The following BAZ1B variants were observed in gnomAD, a reference collection of about 807,000 sequenced individuals.
BAZ1B encodes bromodomain adjacent to zinc finger domain 1B, also known as tyrosine-protein kinase BAZ1B.
BAZ1B carries 22 observed loss-of-function variants against 153.8 expected under a neutral mutation model. The observed-to-expected ratio is 0.14, with a 90% confidence interval of 0.10 to 0.20. BAZ1B has a LOEUF of 0.20. Among genes scored for constraint, BAZ1B ranks in the 10% least tolerant of loss-of-function variants. The pLI is 1.00. For synonymous variants in BAZ1B, 676 were observed against 633.4 expected, an observed-to-expected ratio of 1.07 and a Z score of -1.01; for missense variants, 1,325 against 1,799.3, an observed-to-expected ratio of 0.74 and a Z score of 4.77.
At chr7:73,476,508 C>G (rs1175887823) in intron 7 of BAZ1B, among the ~76,000 whole-genome samples, 1 of 152,168 alleles carries the variant, frequency 6.6e-6, no homozygotes, top group Non-Finnish European at 1.5e-5. Flanking sequence ...GATAAGTAAT[C>G]TGCCCAAAGG....
At chr7:73,481,868 T>C (rs987720619) in intron 6 of BAZ1B, among the ~76,000 whole-genome samples, 28 of 151,854 alleles carry the variant, frequency 1.8e-4, no homozygotes, top group Non-Finnish European at 2.6e-4. Flanking sequence ...AAACACCATC[T>C]CTACTAAAAA....
intron 6 of BAZ1B, among the ~76,000 whole-genome samples, chr7:73,479,909 C>T (rs1789135063): frequency 6.6e-6 from 1 of 152,062 alleles, no homozygotes; most frequent in Admixed American, 6.5e-5. Context: ...GAGGCTCACA[C>T]CTGTAATCCC....
intron 13 of BAZ1B, among the ~76,000 whole-genome samples, chr7:73,452,227 C>T (rs1554568405): frequency 6.6e-6 from 1 of 152,140 alleles, no homozygotes; most frequent in African/African-American, 2.4e-5. Flanking sequence ...TTTCACTGAG[C>T]ATGTTTCTAG....
At chr7:73,442,597 C>A (rs782618683) in intron 18 of BAZ1B, 44 bp from the exon 19 acceptor site, 1 of 1,572,786 alleles carries the variant, frequency 6.4e-7, no homozygotes, top group East Asian at 2.3e-5. Flanking sequence ...GCCTTGACGG[C>A]AGTGCCCCTG....
chr7:73,465,373 C>A, intron 11 of BAZ1B, 66 bp downstream of exon 11: 3 of 1,087,374 alleles, frequency 2.8e-6, no homozygotes, highest in South Asian at 1.8e-5. Flanking sequence ...GAAAAAAAAC[C>A]CTCAGATATT....
Position 73,501,658 on chromosome 7 carries a change from A to G in BAZ1B, c.370-2960T>C, listed in dbSNP as rs75099314. ...TGAGAAACCCCGTTCCTGACCATCAAGTTCCCTTCTGTCTAAAGGCCTTCA... is the reference window on the plus strand; with the variant it reads ...TGAGAAACCCCGTTCCTGACCATCAGGTTCCCTTCTGTCTAAAGGCCTTCA... On this transcript the variant is annotated intron_variant, in intron 3 of 19. Coordinates refer to ENST00000339594, the MANE Select transcript of BAZ1B (RefSeq NM_032408.4). Among the ~76,000 whole-genome samples, 399 of 152,136 alleles carry G rather than the reference A, an allele frequency of 2.6e-3. 2 individuals carry two copies. Among genetic ancestry groups the G allele is most frequent in the African/African-American group, 9.2e-3 (382 of 41,510 alleles).
chr7:73,501,364 C>T (rs1291889185), intron 3 of BAZ1B, among the ~76,000 whole-genome samples: 2 of 152,224 alleles, frequency 1.3e-5, no homozygotes, highest in African/African-American at 4.8e-5. Context: ...TACTACCATT[C>T]CCACCATCCT....
intron 15 of BAZ1B, among the ~76,000 whole-genome samples, chr7:73,447,727 T>C (rs1040530426): frequency 2.6e-5 from 4 of 152,180 alleles, no homozygotes; most frequent in Non-Finnish European, 5.9e-5. Context: ...GATAATGTAA[T>C]ACATCAGTTA....
chr7:73,456,003 T>C (rs782513457), intron 13 of BAZ1B, among the ~76,000 whole-genome samples: 4 of 152,090 alleles, frequency 2.6e-5, no homozygotes, highest in Non-Finnish European at 4.4e-5. Flanking sequence ...GCAGTGAAAC[T>C]AGGGTGGGAG....
intron 4 of BAZ1B, among the ~76,000 whole-genome samples, chr7:73,494,110 A>G (rs1441171580): frequency 3.3e-5 from 5 of 151,536 alleles, no homozygotes; most frequent in African/African-American, 1.2e-4. Flanking sequence ...GGCCCATCAC[A>G]GTGGCTCGTG....
chr7:73,466,970 C>T (rs782003262), intron 9 of BAZ1B, among the ~76,000 whole-genome samples: 1 of 152,122 alleles, frequency 6.6e-6, no homozygotes, highest in Non-Finnish European at 1.5e-5. Flanking sequence ...CTCGCTCTGT[C>T]GCCCAGGCTG....
At chr7:73,485,375 C>T (rs530180498) in intron 6 of BAZ1B, among the ~76,000 whole-genome samples, 1 of 152,098 alleles carries the variant, frequency 6.6e-6, no homozygotes, top group East Asian at 1.9e-4. Context: ...AATCCCAACA[C>T]TTTGGGAGGC....
At chr7:73,469,381 C>G (rs1563375531) in intron 9 of BAZ1B, 136 bp downstream of exon 9, 22 of 1,065,858 alleles carry the variant, frequency 2.1e-5, no homozygotes, top group Non-Finnish European at 2.9e-5. Context: ...TCACATCTAC[C>G]TACTTCACTC....
At chr7:73,448,023 G>C (rs1787900605) in intron 15 of BAZ1B, among the ~76,000 whole-genome samples, 1 of 152,032 alleles carries the variant, frequency 6.6e-6, no homozygotes, top group East Asian at 1.9e-4. Context: ...AGGAAGCCCA[G>C]GCCGGGCACC....
At chr7:73,500,806 A>G (rs1419917452) in intron 3 of BAZ1B, among the ~76,000 whole-genome samples, 1 of 151,480 alleles carries the variant, frequency 6.6e-6, no homozygotes, top group Non-Finnish European at 1.5e-5. Flanking sequence ...CAGGAGAATC[A>G]GTTGAACCCG....
intron 4 of BAZ1B, among the ~76,000 whole-genome samples, chr7:73,497,130 C>G (rs1789943362): frequency 1.3e-5 from 2 of 149,132 alleles, no homozygotes; most frequent in African/African-American, 5.0e-5. Flanking sequence ...ACGGTCCCAG[C>G]TACTTGGGAA....
At chr7:73,485,120 G>A (rs1301315217) in intron 6 of BAZ1B, among the ~76,000 whole-genome samples, 1 of 151,960 alleles carries the variant, frequency 6.6e-6, no homozygotes, top group African/African-American at 2.4e-5. Context: ...GTTTTGTAGA[G>A]ATGGAATCTC....
intron 4 of BAZ1B, among the ~76,000 whole-genome samples, chr7:73,496,641 G>C (rs1243549720): frequency 6.6e-6 from 1 of 152,134 alleles, no homozygotes; most frequent in African/African-American, 2.4e-5. Flanking sequence ...GGTCTTCCCA[G>C]TGAGCCAAAT....
intron 3 of BAZ1B, 139 bp downstream of exon 3, chr7:73,508,188 A>G: frequency 2.2e-6 from 2 of 907,936 alleles, no homozygotes; most frequent in African/African-American, 3.4e-5. Context: ...CACAAGTATT[A>G]ACGTAAAGTA....
Sources: allele counts gnomAD v4.1 joint callset (sites outside exome capture counted in the v4.1 genomes callset), GRCh38; gene constraint gnomAD v4.1.1; transcripts MANE v1.5; gene names NCBI Gene and HGNC (gene_info 2026-07-23, HGNC 2026-07-21).